Variants in NOVA2 observed in about 807,000 individuals in gnomAD.
NOVA2 encodes RNA-binding protein Nova-2.
A neutral mutation model predicts 22.5 loss-of-function variants in NOVA2; 9 were observed. The ratio of observed to expected loss-of-function variants is 0.40; its 90% confidence interval spans 0.24 to 0.70. The LOEUF (loss-of-function observed/expected upper bound fraction) is 0.70, where lower values mean the gene tolerates loss of function less well. NOVA2 is among the 30% of genes least tolerant of loss of function. NOVA2 has a pLI of 0.38. For synonymous variants in NOVA2, 318 were observed against 335.2 expected, an observed-to-expected ratio of 0.95 and a Z score of 0.56; for missense variants, 383 against 682.8, an observed-to-expected ratio of 0.56 and a Z score of 4.89.
chr19:45,955,551 CCT>C (rs1420554287), intron 2 of NOVA2, among the ~76,000 whole-genome samples: 3 of 151,992 alleles, frequency 2.0e-5, no homozygotes, highest in African/African-American at 4.8e-5. Flanking sequence ...GGATTCTGCC[CCT>C]GAGAATGTAA....
At chr19:45,958,110 CAAAAAAA>C (rs33945455) in intron 2 of NOVA2, among the ~76,000 whole-genome samples, 2 of 87,664 alleles carry the variant, frequency 2.3e-5, no homozygotes, top group African/African-American at 4.9e-5. Context: ...GACTCCGTCT[CAAAAAAA>C]AAAAAAAAAA....
intron 3 of NOVA2, among the ~76,000 whole-genome samples, chr19:45,941,283 G>T (rs1233762590): frequency 6.8e-6 from 1 of 147,338 alleles, no homozygotes; most frequent in Admixed American, 6.8e-5. Flanking sequence ...GACAGAGGGA[G>T]ACCCTGTCTC....
rs772660165 is a variant in NOVA2, at chr19:45,956,528, C to T, written c.230-2582G>A. 7.3e-5 allele frequency among the ~76,000 whole-genome samples: 11 copies of T among 151,710 alleles called. 1 individual carries two copies. The highest frequency in any genetic ancestry group is 1.3e-4 in the Admixed American group (2 of 15,238). ...TTCTGTCGCCCAGGCTGGAGTGCAG[C>T]GGTGCGATCTCAGATCACGGCAACC... On this transcript the variant is annotated intron_variant, in intron 2 of 3. Coordinates refer to ENST00000263257, the MANE Select transcript of NOVA2 (RefSeq NM_002516.4).
At position 45,940,479 on chromosome 19, in the gene NOVA2, C is replaced by G; in HGVS notation, c.863G>C (p.Ser288Thr). Residue 288 changes from serine (S) to threonine (T), a missense_variant, in exon 4 of 4, where the codon AGT becomes ACT. Physicochemically the swap from Ser to Thr is moderately conservative, Grantham distance 58 (BLOSUM62 1). Around this residue, in one of 2 missense-constraint regions of NOVA2, gnomAD observed 349 missense variants for 578.1 expected, o/e 0.60. Coordinates refer to ENST00000263257, the MANE Select transcript of NOVA2 (RefSeq NM_002516.4). ...AISTALNTLA[S>T]YGYNTNSLGL... ...CAGGGAGTTGGTGTTGTAGCCGTAA[C>G]TTGCCAGCGTGTTAAGCGCCGTGCT... 6.5e-7 allele frequency: 1 copy of G among 1,538,738 alleles called. No homozygotes were observed.
intron 1 of NOVA2, among the ~76,000 whole-genome samples, chr19:45,972,392 C>T (rs1395655563): frequency 7.0e-6 from 1 of 142,864 alleles, no homozygotes; most frequent in African/African-American, 2.6e-5. Context: ...GGACCCCTTT[C>T]CTCTGATCTA....
In NOVA2 at chr19:45,937,248, A is replaced by T. The variant is rs1405073395; in HGVS notation, c.*2615T>A. 1.3e-5 allele frequency: 2 copies of T among 152,198 alleles called. No individual in the cohort carries two copies. The highest frequency in any genetic ancestry group is 2.9e-5 in the Non-Finnish European group (2 of 68,046). The allele number at this position is 152,198 out of a possible 1,614,324, so 9.4% of individuals were successfully genotyped here. On this transcript the variant is annotated 3_prime_UTR_variant, in exon 4 of 4. Coordinates refer to ENST00000263257, the MANE Select transcript of NOVA2 (RefSeq NM_002516.4). ...GCCTCCGGAGATGTGTCTGTGTGAGAGGAGTCCTGGACCCGGCTGATTGGG... is the reference window on the plus strand; with the variant it reads ...GCCTCCGGAGATGTGTCTGTGTGAGTGGAGTCCTGGACCCGGCTGATTGGG...
intron 1 of NOVA2, among the ~76,000 whole-genome samples, chr19:45,964,308 T>C: frequency 6.7e-6 from 1 of 148,300 alleles, no homozygotes; most frequent in Admixed American, 6.8e-5. Context: ...GCCTGCGGAG[T>C]AGCTGGGATT....
intron 3 of NOVA2, among the ~76,000 whole-genome samples, chr19:45,948,689 C>G (rs1054200075): frequency 2.0e-5 from 3 of 151,656 alleles, no homozygotes; most frequent in African/African-American, 7.3e-5. Context: ...GGATTTAAAT[C>G]CCACATCTGC....
chr19:45,963,873 G>A (rs1416879808), intron 1 of NOVA2, among the ~76,000 whole-genome samples: 2 of 152,082 alleles, frequency 1.3e-5, no homozygotes, highest in African/African-American at 4.8e-5. Context: ...TCACTCAAAT[G>A]TTTCTTCTTC....
At chr19:45,964,240 C>T (rs1440890028) in intron 1 of NOVA2, among the ~76,000 whole-genome samples, 5 of 142,828 alleles carry the variant, frequency 3.5e-5, no homozygotes, top group Non-Finnish European at 6.0e-5. Context: ...AGTGCAATGG[C>T]GCGATCTCGG....
At chr19:45,959,540 G>T (rs1425023437) in intron 2 of NOVA2, among the ~76,000 whole-genome samples, 1 of 152,126 alleles carries the variant, frequency 6.6e-6, no homozygotes, top group African/African-American at 2.4e-5. Context: ...CCGAACAGAG[G>T]TCTTATCCAT....
intron 1 of NOVA2, among the ~76,000 whole-genome samples, chr19:45,969,862 C>T (rs535958435): frequency 1.3e-5 from 2 of 152,276 alleles, no homozygotes; most frequent in South Asian, 4.1e-4. Flanking sequence ...ACTCACAGTG[C>T]CCAGAAGCAA....
intron 1 of NOVA2, among the ~76,000 whole-genome samples, chr19:45,971,610 G>A (rs1015681619): frequency 2.0e-5 from 3 of 152,030 alleles, no homozygotes; most frequent in Middle Eastern, 3.2e-3. Flanking sequence ...GAAGAAAGTC[G>A]GCTTGTATTC....
intron 2 of NOVA2, among the ~76,000 whole-genome samples, chr19:45,958,694 C>T (rs1968051375): frequency 6.6e-6 from 1 of 152,196 alleles, no homozygotes; most frequent in South Asian, 2.1e-4. Flanking sequence ...TGCTAACCTA[C>T]TAGGCCCAGA....
chr19:45,972,212 G>GC (rs1463591692), intron 1 of NOVA2, among the ~76,000 whole-genome samples: 1 of 151,644 alleles, frequency 6.6e-6, no homozygotes, highest in Admixed American at 6.6e-5. Flanking sequence ...TCACCCACAA[G>GC]CCCCAGCCTC....
At chr19:45,946,731 G>T (rs1397323221) in intron 3 of NOVA2, among the ~76,000 whole-genome samples, 1 of 152,090 alleles carries the variant, frequency 6.6e-6, no homozygotes, top group Admixed American at 6.6e-5. Context: ...AATTAGCCAG[G>T]CGTGGTGGCA....
intron 3 of NOVA2, among the ~76,000 whole-genome samples, chr19:45,952,587 A>G (rs578070863): frequency 1.9e-4 from 29 of 152,302 alleles, no homozygotes; most frequent in Non-Finnish European, 3.5e-4. Context: ...AACATTCACA[A>G]ACTCCTGATG....
At chr19:45,964,172 T>C (rs1968135278) in intron 1 of NOVA2, among the ~76,000 whole-genome samples, 1 of 130,426 alleles carries the variant, frequency 7.7e-6, no homozygotes, top group Non-Finnish European at 1.5e-5. Flanking sequence ...TTTTTCTTTT[T>C]CTTTTTCTTT....
chr19:45,948,599 C>CAAAAAAAA (rs1227808626), intron 3 of NOVA2, among the ~76,000 whole-genome samples: 2 of 72,652 alleles, frequency 2.8e-5, no homozygotes, highest in South Asian at 4.6e-4. Flanking sequence ...GACTCTGTCT[C>CAAAAAAAA]AAAAAAAAAA....
Sources: gnomAD v4.1 joint callset for allele counts (sites outside exome capture counted in the v4.1 genomes callset) on GRCh38, gnomAD v4.1.1 for gene constraint, gnomAD v4.1.1 regional missense constraint, MANE v1.5 for transcripts, NCBI Gene and HGNC (gene_info 2026-07-23, HGNC 2026-07-21) for gene names.